The following DLG2 variants were observed in gnomAD, a reference collection of about 807,000 sequenced individuals.
DLG2 encodes the protein discs large MAGUK scaffold protein 2.
In DLG2, 45 loss-of-function variants were observed where a neutral mutation model predicts 132.5. The ratio of observed to expected loss-of-function variants is 0.34; its 90% confidence interval spans 0.27 to 0.44. The LOEUF is 0.44. DLG2 is among the 20% of genes least tolerant of loss of function. The pLI, the probability that DLG2 is intolerant of heterozygous loss-of-function variation, is 1.00. For missense variants in DLG2, 1,045 were observed against 1,196.9 expected (o/e 0.87, Z 1.87); for synonymous variants, 424 against 419.6 (o/e 1.01, Z -0.13).
intron 6 of DLG2, among the ~76,000 whole-genome samples, chr11:85,072,182 T>G (rs964313953): frequency 6.6e-6 from 1 of 151,834 alleles, no homozygotes; most frequent in Non-Finnish European, 1.5e-5. Context: ...ATTTTTACAA[T>G]AGGCCATCTT....
At chr11:83,790,533 T>A in intron 17 of DLG2, 1 of 1,283,746 alleles carries the variant, frequency 7.8e-7, no homozygotes, top group Non-Finnish European at 1.1e-6. Context: ...AGGAGCAGAG[T>A]TAAAATCAAA....
At chr11:84,000,869 C>T (rs979552648) in intron 11 of DLG2, among the ~76,000 whole-genome samples, 3 of 152,002 alleles carry the variant, frequency 2.0e-5, no homozygotes, top group African/African-American at 7.2e-5. Flanking sequence ...GAGTCCTAAA[C>T]CTGGAAGGAA....
At chr11:84,644,954 C>G (rs2099672808) in intron 6 of DLG2, among the ~76,000 whole-genome samples, 1 of 152,120 alleles carries the variant, frequency 6.6e-6, no homozygotes, top group Non-Finnish European at 1.5e-5. Flanking sequence ...ACACATATCT[C>G]TCATTTATAG....
At chr11:84,113,151 C>T (rs1353171564) in intron 9 of DLG2, among the ~76,000 whole-genome samples, 1 of 152,014 alleles carries the variant, frequency 6.6e-6, no homozygotes, top group Non-Finnish European at 1.5e-5. Flanking sequence ...TACACTCACA[C>T]AAAAAATTAA....
chr11:83,634,314 TAAAG>T (rs1434272008), intron 18 of DLG2, among the ~76,000 whole-genome samples: 1 of 152,116 alleles, frequency 6.6e-6, no homozygotes, highest in Non-Finnish European at 1.5e-5. Flanking sequence ...CCAATAAAGA[TAAAG>T]AAAGAATCGG....
intron 6 of DLG2, among the ~76,000 whole-genome samples, chr11:84,721,306 G>T (rs755545999): frequency 2.6e-5 from 4 of 152,310 alleles, no homozygotes; most frequent in Middle Eastern, 3.4e-3. Flanking sequence ...GGTTCAGCGA[G>T]CCTACTCACT....
intron 18 of DLG2, among the ~76,000 whole-genome samples, chr11:83,779,507 T>A (rs949460536): frequency 2.0e-5 from 3 of 152,134 alleles, no homozygotes; most frequent in African/African-American, 7.2e-5. Flanking sequence ...CCCCTTTATG[T>A]CCATTTGATT....
intron 12 of DLG2, among the ~76,000 whole-genome samples, chr11:83,967,961 T>C (rs923943345): frequency 1.3e-5 from 2 of 152,202 alleles, no homozygotes; most frequent in African/African-American, 2.4e-5. Context: ...GTATCATTCA[T>C]TGAAAAGACT....
intron 10 of DLG2, among the ~76,000 whole-genome samples, chr11:84,089,070 T>C (rs1184536836): frequency 2.0e-5 from 3 of 152,218 alleles, no homozygotes; most frequent in Non-Finnish European, 2.9e-5. Context: ...TTGTGACTTG[T>C]GGGGTTTTTT....
intron 3 of DLG2, among the ~76,000 whole-genome samples, chr11:85,590,831 T>A (rs2079276217): frequency 6.6e-6 from 1 of 152,212 alleles, no homozygotes; most frequent in East Asian, 1.9e-4. Context: ...TCACTTATTA[T>A]GTACTTAACA....
chr11:84,165,458 G>A (rs1375153918), intron 8 of DLG2, among the ~76,000 whole-genome samples: 1 of 152,174 alleles, frequency 6.6e-6, no homozygotes, highest in Non-Finnish European at 1.5e-5. Context: ...TCCTTAGTCA[G>A]CTACATAAAC....
chr11:84,956,658 T>C (rs1591810770), intron 6 of DLG2, among the ~76,000 whole-genome samples: 2 of 152,282 alleles, frequency 1.3e-5, no homozygotes, highest in East Asian at 3.9e-4. Flanking sequence ...CGGAAGGCAC[T>C]ACATACATTT....
At chr11:85,565,828 T>G (rs1317235273) in intron 3 of DLG2, among the ~76,000 whole-genome samples, 1 of 152,154 alleles carries the variant, frequency 6.6e-6, no homozygotes, top group Non-Finnish European at 1.5e-5. Context: ...TACACATCTT[T>G]GTGTAAATAT....
chr11:84,977,845 ACT>A (rs1667395584), intron 6 of DLG2, among the ~76,000 whole-genome samples: 1 of 152,072 alleles, frequency 6.6e-6, no homozygotes, highest in Admixed American at 6.6e-5. Flanking sequence ...TGTATCATTT[ACT>A]CTGTCAAGTA....
At chr11:84,081,375 A>G (rs775648903) in intron 10 of DLG2, among the ~76,000 whole-genome samples, 1 of 152,054 alleles carries the variant, frequency 6.6e-6, no homozygotes, top group Non-Finnish European at 1.5e-5. Context: ...AATAAACACT[A>G]TTATTATTAA....
In DLG2 at chr11:84,431,658, A is replaced by G. The variant is rs2098985044; in HGVS notation, c.519+102912T>C. 2.6e-5 allele frequency among the ~76,000 whole-genome samples: 4 copies of G among 152,124 alleles called. No individual in the cohort carries two copies. The South Asian group carries it at 8.3e-4, about 31-fold the overall frequency. On this transcript the variant is annotated intron_variant, in intron 7 of 27. Transcript: ENST00000376104. Reference sequence around the variant, plus strand: ...GATATATCTCAGTGTTCCATATAATACTCTGTATGAAAACTATTATTAATA... The same window carrying G: ...GATATATCTCAGTGTTCCATATAATGCTCTGTATGAAAACTATTATTAATA...
chr11:85,128,981 G>A (rs759492936), intron 5 of DLG2, among the ~76,000 whole-genome samples: 8 of 152,088 alleles, frequency 5.3e-5, no homozygotes, highest in Admixed American at 2.6e-4. Flanking sequence ...TATCCTTTTC[G>A]AAGATGAAGA....
At chr11:83,650,887 C>A (rs2070063906) in intron 18 of DLG2, among the ~76,000 whole-genome samples, 1 of 152,194 alleles carries the variant, frequency 6.6e-6, no homozygotes, top group African/African-American at 2.4e-5. Flanking sequence ...AATGGCCTGT[C>A]TGCAACATGC....
chr11:84,895,683 G>A (rs2090093047), intron 6 of DLG2, among the ~76,000 whole-genome samples: 1 of 152,108 alleles, frequency 6.6e-6, no homozygotes. Context: ...CAAAGTTTAA[G>A]GCAATCTTCC....
Sources: gnomAD v4.1 joint callset for allele counts (sites outside exome capture counted in the v4.1 genomes callset) on GRCh38, gnomAD v4.1.1 for gene constraint, MANE v1.5 for transcripts, NCBI Gene and HGNC (gene_info 2026-07-23, HGNC 2026-07-21) for gene names.